Variants in RYR3 observed in about 807,000 individuals in gnomAD.
RYR3 encodes the protein ryanodine receptor 3, also known as brain ryanodine receptor-calcium release channel.
In RYR3, 207 loss-of-function variants were observed where a neutral mutation model predicts 584.3. That is an observed-to-expected ratio of 0.35 (90% CI 0.32 to 0.40). The LOEUF (loss-of-function observed/expected upper bound fraction) is 0.40, where lower values mean the gene tolerates loss of function less well. Ranked by LOEUF, RYR3 falls within the 10% of genes least tolerant of loss-of-function variation. RYR3 has a pLI of 1.00. For synonymous variants in RYR3, 2,416 were observed against 2,248.5 expected, an observed-to-expected ratio of 1.07 and a Z score of -2.11; for missense variants, 5,616 against 6,089.2, an observed-to-expected ratio of 0.92 and a Z score of 2.59.
chr15:33,645,863 G>A (rs1418219627), intron 28 of RYR3, among the ~76,000 whole-genome samples: 1 of 152,174 alleles, frequency 6.6e-6, no homozygotes, highest in African/African-American at 2.4e-5. Flanking sequence ...CCATGACTGT[G>A]GCAGAGATGA....
chr15:33,515,266 A>G (rs940067147), intron 3 of RYR3, among the ~76,000 whole-genome samples: 3 of 152,210 alleles, frequency 2.0e-5, no homozygotes, highest in Non-Finnish European at 4.4e-5. Flanking sequence ...CGAAGCCACA[A>G]TTAATTCTCT....
rs77596753 is a variant in RYR3, at chr15:33,698,559, C to T, written c.6249+563C>T. Among the ~76,000 whole-genome samples, 1,503 of 152,098 alleles carry T rather than the reference C, an allele frequency of 9.9e-3. 24 individuals are homozygous for T. The highest frequency in any genetic ancestry group is 0.035 in the African/African-American group (1,441 of 41,472). Reference sequence around the variant, plus strand: ...CCCAGCTGGGCTGGGGACCTCCTCACGGTTAAACTGCTTCCACAGGCAGTA... The same window carrying T: ...CCCAGCTGGGCTGGGGACCTCCTCATGGTTAAACTGCTTCCACAGGCAGTA... On this transcript the variant is annotated intron_variant, in intron 40 of 103. Transcript: ENST00000634891.
intron 94 of RYR3, chr15:33,852,233 A>G (rs1338098769): frequency 6.6e-6 from 1 of 152,196 alleles, no homozygotes; most frequent in Non-Finnish European, 1.5e-5. Flanking sequence ...GCTGCAATCC[A>G]GTCTTACAAG....
intron 7 of RYR3, among the ~76,000 whole-genome samples, chr15:33,542,187 A>G (rs923966927): frequency 2.6e-5 from 4 of 152,102 alleles, no homozygotes; most frequent in Non-Finnish European, 4.4e-5. Flanking sequence ...GCCCTTAAGA[A>G]CGTAAGTGAT....
intron 1 of RYR3, among the ~76,000 whole-genome samples, chr15:33,454,059 G>C (rs193284825): frequency 6.6e-6 from 1 of 152,202 alleles, no homozygotes; most frequent in African/African-American, 2.4e-5. Flanking sequence ...AGAATTCTGC[G>C]TGAGGCTGGA....
chr15:33,444,455 A>G (rs2046460926), intron 1 of RYR3, among the ~76,000 whole-genome samples: 1 of 152,210 alleles, frequency 6.6e-6, no homozygotes, highest in Non-Finnish European at 1.5e-5. Context: ...TTCAGTGGCT[A>G]TCGACTGAGT....
chr15:33,409,500 C>T (rs1461408414), intron 1 of RYR3, among the ~76,000 whole-genome samples: 3 of 152,176 alleles, frequency 2.0e-5, no homozygotes, highest in African/African-American at 4.8e-5. Context: ...TCACCTCAGG[C>T]TCCACCTGGG....
At chr15:33,711,330 G>A (rs540374037) in intron 43 of RYR3, among the ~76,000 whole-genome samples, 6 of 131,242 alleles carry the variant, frequency 4.6e-5, no homozygotes, top group African/African-American at 5.8e-5. Context: ...TGCAAGCTCC[G>A]CCTCCCAGGT....
intron 1 of RYR3, among the ~76,000 whole-genome samples, chr15:33,359,446 C>G (rs1974440304): frequency 6.6e-6 from 1 of 152,162 alleles, no homozygotes. Context: ...AGACACCACT[C>G]TGCCCCAGGG....
intron 1 of RYR3, among the ~76,000 whole-genome samples, chr15:33,400,615 G>T (rs1180057986): frequency 6.6e-6 from 1 of 152,146 alleles, no homozygotes; most frequent in Admixed American, 6.5e-5. Context: ...TTCCTTCGTG[G>T]TGAGTTGTAT....
intron 64 of RYR3, 137 bp downstream of exon 64, chr15:33,773,752 G>GTTTATGACA: frequency 3.0e-6 from 2 of 667,348 alleles, no homozygotes; most frequent in Non-Finnish European, 2.7e-6. Flanking sequence ...TTTGAGCCTT[G>GTTTATGACA]TTTATGACAT....
At chr15:33,612,366 T>G (rs1595829916) in intron 18 of RYR3, among the ~76,000 whole-genome samples, 2 of 152,334 alleles carry the variant, frequency 1.3e-5, no homozygotes, top group South Asian at 2.1e-4. Flanking sequence ...TTTTTTTGTT[T>G]GTTTGTTTTT....
chr15:33,389,036 A>G (rs1031904687), intron 1 of RYR3, among the ~76,000 whole-genome samples: 1 of 134,872 alleles, frequency 7.4e-6, no homozygotes, highest in Non-Finnish European at 1.5e-5. Context: ...ATGAGAACAC[A>G]TGGACACAGG....
At chr15:33,589,481 T>A (rs1027550505) in intron 16 of RYR3, among the ~76,000 whole-genome samples, 1 of 152,202 alleles carries the variant, frequency 6.6e-6, no homozygotes, top group African/African-American at 2.4e-5. Flanking sequence ...CATTTATCTA[T>A]TTTTTGTTTT....
At chr15:33,488,833 C>T (rs1024747382) in intron 2 of RYR3, among the ~76,000 whole-genome samples, 8 of 151,956 alleles carry the variant, frequency 5.3e-5, no homozygotes, top group African/African-American at 1.9e-4. Flanking sequence ...CCTGAGCAAC[C>T]GAGCGAGACT....
intron 2 of RYR3, among the ~76,000 whole-genome samples, chr15:33,500,473 C>G (rs1404983233): frequency 6.6e-6 from 1 of 152,184 alleles, no homozygotes; most frequent in Non-Finnish European, 1.5e-5. Flanking sequence ...CTACTGTTTT[C>G]CACATAGTGA....
intron 1 of RYR3, among the ~76,000 whole-genome samples, chr15:33,358,851 A>G (rs1974351402): frequency 6.6e-6 from 1 of 152,200 alleles, no homozygotes; most frequent in Admixed American, 6.5e-5. Flanking sequence ...AAGAGTGGCA[A>G]TCCTAGGTCA....
At chr15:33,465,460 A>T (rs1467655698) in intron 1 of RYR3, among the ~76,000 whole-genome samples, 1 of 152,074 alleles carries the variant, frequency 6.6e-6, no homozygotes, top group Non-Finnish European at 1.5e-5. Flanking sequence ...TTTTTTCCAT[A>T]TGCTCACCAA....
chr15:33,618,576 G>C (rs1459752091), intron 19 of RYR3, among the ~76,000 whole-genome samples: 1 of 152,204 alleles, frequency 6.6e-6, no homozygotes, highest in Non-Finnish European at 1.5e-5. Context: ...ATGCAATTAT[G>C]AATCGTGACT....
Sources: gnomAD v4.1 joint callset for allele counts (sites outside exome capture counted in the v4.1 genomes callset) on GRCh38, gnomAD v4.1.1 for gene constraint, MANE v1.5 for transcripts, NCBI Gene and HGNC (gene_info 2026-07-23, HGNC 2026-07-21) for gene names.